Variants in NFILZ observed in about 807,000 individuals in gnomAD.
NFILZ encodes NFIL3 like basic leucine zipper.
intron 3 of NFILZ, among the ~76,000 whole-genome samples, chr19:8,664,403 C>A (rs1429360722): frequency 6.6e-6 from 1 of 152,148 alleles, no homozygotes; most frequent in Non-Finnish European, 1.5e-5. Flanking sequence ...GCACTCGGGA[C>A]CCCAGATGGG....
intron 2 of NFILZ, among the ~76,000 whole-genome samples, chr19:8,633,478 G>A (rs1017317198): frequency 2.0e-5 from 3 of 152,150 alleles, no homozygotes; most frequent in Non-Finnish European, 4.4e-5. Context: ...GGAAGCTGCG[G>A]CTAAGCTGAG....
intron 3 of NFILZ, among the ~76,000 whole-genome samples, chr19:8,660,070 G>A (rs1555748920): frequency 6.6e-6 from 1 of 152,168 alleles, no homozygotes; most frequent in African/African-American, 2.4e-5. Context: ...CTGTGTCTTG[G>A]CATCAAAGGC....
chr19:8,647,767 A>ACACACACACACACG, intron 3 of NFILZ, among the ~76,000 whole-genome samples: 3 of 139,210 alleles, frequency 2.2e-5, no homozygotes, highest in Non-Finnish European at 4.6e-5. Context: ...ACACACACAC[A>ACACACACACACACG]CACGCACACA....
chr19:8,635,279 C>T (rs1555745984), intron 2 of NFILZ, among the ~76,000 whole-genome samples: 5 of 145,890 alleles, frequency 3.4e-5, no homozygotes, highest in African/African-American at 1.3e-4. Flanking sequence ...CACTGCACCT[C>T]AGCCTGGGCA....
In NFILZ at chr19:8,680,215, G is replaced by T; in HGVS notation, c.*2580G>T. On this transcript the variant is annotated 3_prime_UTR_variant, in exon 6 of 6. Coordinates refer to ENST00000691075, the MANE Select transcript of NFILZ (RefSeq NM_001378600.1). ...CATCTGAAAAAAAAAAAAAAAAAAA[G>T]GAAAAAGAAAAAATCCTGTTTCCCT... 4.1e-5 allele frequency among the ~76,000 whole-genome samples: 1 copy of T among 24,488 alleles called. No individual in the cohort carries two copies. The allele number at this position is 24,488 out of a possible 152,430, so 16.1% of individuals were successfully genotyped here.
At chr19:8,663,905 G>C (rs1348211234) in intron 3 of NFILZ, among the ~76,000 whole-genome samples, 1 of 151,980 alleles carries the variant, frequency 6.6e-6, no homozygotes, top group Non-Finnish European at 1.5e-5. Flanking sequence ...GCTGGGGCTT[G>C]GCCTTGGATG....
intron 3 of NFILZ, among the ~76,000 whole-genome samples, chr19:8,663,744 G>GTGTGTATGTGTGTGTGTATGTGTGTA (rs1418286656): frequency 9.0e-5 from 11 of 121,822 alleles, no homozygotes; most frequent in African/African-American, 2.6e-4. Context: ...GTGTGTGTGT[G>GTGTGTATGTGTGTGTGTATGTGTGTA]TGTGTGTGTG....
At chr19:8,643,400 G>A (rs1302436433) in intron 3 of NFILZ, among the ~76,000 whole-genome samples, 3 of 152,166 alleles carry the variant, frequency 2.0e-5, no homozygotes, top group African/African-American at 2.4e-5. Flanking sequence ...TTAATTTTAT[G>A]TGTCAACTTG....
intron 3 of NFILZ, among the ~76,000 whole-genome samples, chr19:8,660,440 T>G (rs1379391361): frequency 6.6e-6 from 1 of 151,994 alleles, no homozygotes; most frequent in Non-Finnish European, 1.5e-5. Flanking sequence ...AATGATAAAG[T>G]AAGGAAGTTC....
At chr19:8,667,054 G>A (rs1260743997) in intron 3 of NFILZ, among the ~76,000 whole-genome samples, 1 of 151,732 alleles carries the variant, frequency 6.6e-6, no homozygotes, top group East Asian at 1.9e-4. Context: ...TCGGCTGTTG[G>A]CCATCTCTCT....
rs2043111787 is a variant in NFILZ, at chr19:8,676,758, A to T, written c.-8A>T. On this transcript the variant is annotated 5_prime_UTR_variant, in exon 6 of 6. Transcript: ENST00000691075. ...CTCTTTCCTTTTTCCCAGGTTCTCC[A>T]AGCAGCTATGGATGTGGGTTTCTCG... The T allele has an allele frequency of 6.6e-6, 1 of 152,396 alleles. No homozygotes were observed. The highest frequency in any genetic ancestry group is 2.1e-4 in the South Asian group (1 of 4,832). 9.4% of individuals were successfully genotyped at this position (152,396 alleles called of 1,614,324 possible).
intron 3 of NFILZ, among the ~76,000 whole-genome samples, chr19:8,672,454 CAA>C (rs143520257): frequency 1.4e-5 from 2 of 144,552 alleles, no homozygotes; most frequent in African/African-American, 2.6e-5. Context: ...TTAGTTCATT[CAA>C]AAAATCCATG....
At chr19:8,646,342 A>G (rs1051573969) in intron 3 of NFILZ, among the ~76,000 whole-genome samples, 11 of 152,030 alleles carry the variant, frequency 7.2e-5, no homozygotes, top group African/African-American at 2.4e-4. Flanking sequence ...CAGCCTAACC[A>G]CTTGCCTTGT....
In NFILZ at chr19:8,657,992, T is replaced by A. The variant is rs782805880; in HGVS notation, c.-163-16559T>A. Among the ~76,000 whole-genome samples the A allele has an allele frequency of 3.3e-5, 5 of 151,962 alleles. No homozygotes were observed. The Middle Eastern group carries it at 0.01, about 310-fold the overall frequency. On this transcript the variant is annotated intron_variant, in intron 3 of 5. Coordinates refer to ENST00000691075, the MANE Select transcript of NFILZ (RefSeq NM_001378600.1). Reference sequence around the variant, plus strand: ...GGCGGTCTTGGGTGGGTGCAGGGACTCTCCCTGGCGAGGGGGGAACAGAGA... The same window carrying A: ...GGCGGTCTTGGGTGGGTGCAGGGACACTCCCTGGCGAGGGGGGAACAGAGA...
At chr19:8,660,351 C>A (rs1170440302) in intron 3 of NFILZ, among the ~76,000 whole-genome samples, 1 of 151,756 alleles carries the variant, frequency 6.6e-6, no homozygotes, top group Non-Finnish European at 1.5e-5. Context: ...ACTGTAGACA[C>A]AGAGGGGGAA....
intron 3 of NFILZ, among the ~76,000 whole-genome samples, chr19:8,647,791 G>GCA (rs1349279601): frequency 0.13 from 9,363 of 69,436 alleles, 552 homozygotes; most frequent in Non-Finnish European, 0.19. Context: ...GCGCGCGCGC[G>GCA]CGCGCACACA....
rs2967684 is a variant in NFILZ at position 8,676,789 on chromosome 19, G to A, written c.24G>A (p.Leu8=). Residue 8 remains leucine, a synonymous_variant, in exon 6 of 6, where the codon CTG becomes CTA. Transcript: ENST00000691075. MDVGFSG[L]PDVSQSHSKT... ...CTATGGATGTGGGTTTCTCGGGCCT[G>A]CCAGATGTGTCTCAGAGTCATAGCA... is the stretch of plus-strand genomic sequence containing the variant. The A allele has an allele frequency of 0.19, 28,899 of 152,444 alleles. 2,928 individuals are homozygous for A. The highest frequency in any genetic ancestry group is 0.24 in the Admixed American group (3,635 of 15,294). 9.4% of individuals were successfully genotyped at this position (152,444 alleles called of 1,614,324 possible). A position where few individuals can be genotyped will look rare whatever the true frequency, so the allele number is the denominator to read the frequency against.
At chr19:8,636,445 C>CTTTT (rs1191329112) in intron 3 of NFILZ, among the ~76,000 whole-genome samples, 4 of 104,320 alleles carry the variant, frequency 3.8e-5, no homozygotes, top group African/African-American at 1.4e-4. Flanking sequence ...GAGACTCCAT[C>CTTTT]TTTTTTTTTT....
intron 3 of NFILZ, among the ~76,000 whole-genome samples, chr19:8,644,635 A>T (rs914209302): frequency 2.7e-4 from 40 of 147,316 alleles, no homozygotes; most frequent in Non-Finnish European, 4.8e-4. Context: ...TATTAAAAGA[A>T]TTTTTTTTTT....
Sources: allele counts gnomAD v4.1 joint callset (sites outside exome capture counted in the v4.1 genomes callset), GRCh38; gene constraint gnomAD v4.1.1; transcripts MANE v1.5; gene names NCBI Gene and HGNC (gene_info 2026-07-23, HGNC 2026-07-21).